The following PDE4D variants were observed in gnomAD, a reference collection of about 807,000 sequenced individuals.
PDE4D encodes phosphodiesterase 4D.
Under a neutral mutation model 87.4 loss-of-function variants are expected in PDE4D, and 24 were observed. The observed-to-expected ratio is 0.27, with a 90% CI of 0.20 to 0.39. The LOEUF (loss-of-function observed/expected upper bound fraction) is 0.39. PDE4D is among the 10% of genes least tolerant of loss of function. The pLI is 1.00. For synonymous variants in PDE4D, 384 were observed against 383.2 expected (o/e 1.00, Z -0.02); for missense variants, 714 against 1,041.0 (o/e 0.69, Z 4.32).
At chr5:59,588,928 T>C (rs2153702687) in intron 1 of PDE4D, among the ~76,000 whole-genome samples, 1 of 152,360 alleles carries the variant, frequency 6.6e-6, no homozygotes, top group Middle Eastern at 3.4e-3. Context: ...GCTTTGAATG[T>C]TTTGAATCAA....
intron 1 of PDE4D, among the ~76,000 whole-genome samples, chr5:59,469,335 AAAC>A (rs1802073292): frequency 6.6e-6 from 1 of 152,138 alleles, no homozygotes; most frequent in African/African-American, 2.4e-5. Flanking sequence ...CTCAAAAAAC[AAAC>A]AAACAAACAA....
chr5:60,037,072 G>T (rs1767891520), intron 2 of PDE4D, among the ~76,000 whole-genome samples: 1 of 152,174 alleles, frequency 6.6e-6, no homozygotes, highest in South Asian at 2.1e-4. Flanking sequence ...TGCATGCCAG[G>T]TTAATTCACA....
chr5:59,899,726 A>G (rs1156278857), intron 3 of PDE4D, among the ~76,000 whole-genome samples: 1 of 152,104 alleles, frequency 6.6e-6, no homozygotes, highest in Non-Finnish European at 1.5e-5. Flanking sequence ...GCAAGGGAGT[A>G]AGCCAGCACT....
At chr5:59,948,278 G>A (rs978578065) in intron 3 of PDE4D, among the ~76,000 whole-genome samples, 5 of 152,148 alleles carry the variant, frequency 3.3e-5, no homozygotes, top group African/African-American at 4.8e-5. Flanking sequence ...GGTTATGCCT[G>A]AATTTACATA....
chr5:60,191,565 A>T (rs1399143652), intron 1 of PDE4D, among the ~76,000 whole-genome samples: 1 of 152,220 alleles, frequency 6.6e-6, no homozygotes, highest in African/African-American at 2.4e-5. Context: ...CAGAACTGTA[A>T]GCCAATTAAA....
At chr5:59,543,852 G>A (rs1816793378) in intron 1 of PDE4D, among the ~76,000 whole-genome samples, 1 of 152,174 alleles carries the variant, frequency 6.6e-6, no homozygotes, top group South Asian at 2.1e-4. Flanking sequence ...AAATGCACTT[G>A]AAAGCATCTA....
chr5:58,993,617 T>C (rs751768827), intron 6 of PDE4D, among the ~76,000 whole-genome samples, 152 bp from the exon 7 acceptor site: 1 of 152,178 alleles, frequency 6.6e-6, no homozygotes, highest in Non-Finnish European at 1.5e-5. Flanking sequence ...CTTTCTTCAA[T>C]GAGGGGAAAA....
intron 1 of PDE4D, among the ~76,000 whole-genome samples, chr5:59,599,514 C>T (rs1827197698): frequency 6.6e-6 from 1 of 151,906 alleles, no homozygotes; most frequent in Non-Finnish European, 1.5e-5. Context: ...GTGTAAAACA[C>T]ATTTTATTTG....
chr5:60,126,848 C>T (rs1441833933), intron 2 of PDE4D, among the ~76,000 whole-genome samples: 3 of 152,136 alleles, frequency 2.0e-5, no homozygotes, highest in Non-Finnish European at 2.9e-5. Flanking sequence ...ACTACTGATG[C>T]AGTGATGAGC....
chr5:59,845,120 C>T (rs1743631176), intron 1 of PDE4D, among the ~76,000 whole-genome samples: 2 of 152,010 alleles, frequency 1.3e-5, no homozygotes, highest in South Asian at 4.1e-4. Flanking sequence ...ACCCTGAGCC[C>T]CAGACATGAA....
At chr5:60,095,002 A>C (rs1198272655) in intron 2 of PDE4D, among the ~76,000 whole-genome samples, 4 of 152,146 alleles carry the variant, frequency 2.6e-5, no homozygotes, top group Non-Finnish European at 5.9e-5. Flanking sequence ...CAAGATAACA[A>C]AAATATCTAC....
At chr5:59,368,629 T>G (rs76792066) in intron 1 of PDE4D, among the ~76,000 whole-genome samples, 10,064 of 152,262 alleles carry the variant, frequency 0.066, 921 homozygotes, top group African/African-American at 0.2. Flanking sequence ...TTTTGGATAC[T>G]TCTTGCAAAA....
chr5:59,391,208 T>G (rs918898626), intron 1 of PDE4D, among the ~76,000 whole-genome samples: 1 of 152,096 alleles, frequency 6.6e-6, no homozygotes, highest in African/African-American at 2.4e-5. Flanking sequence ...GTGGGAAAGT[T>G]AAAGATGGCC....
chr5:59,673,518 T>G (rs1747563778), intron 1 of PDE4D, among the ~76,000 whole-genome samples: 1 of 152,236 alleles, frequency 6.6e-6, no homozygotes, highest in Non-Finnish European at 1.5e-5. Flanking sequence ...TTTGATGATA[T>G]TAGTGAATCA....
At chr5:59,806,309 A>AGTATT (rs1292935147) in intron 1 of PDE4D, among the ~76,000 whole-genome samples, 1 of 152,236 alleles carries the variant, frequency 6.6e-6, no homozygotes, top group African/African-American at 2.4e-5. Context: ...GAGGTGGCAC[A>AGTATT]GTATTGACTT....
intron 1 of PDE4D, among the ~76,000 whole-genome samples, chr5:59,809,741 TG>T (rs1375043218): frequency 5.9e-5 from 9 of 152,144 alleles, no homozygotes; most frequent in Admixed American, 3.9e-4. Context: ...TTTCCCCCAT[TG>T]AAGAAGGGAC....
intron 1 of PDE4D, among the ~76,000 whole-genome samples, chr5:60,477,369 A>T (rs1724274710): frequency 6.6e-6 from 1 of 152,188 alleles, no homozygotes; most frequent in Non-Finnish European, 1.5e-5. Context: ...GTAAGTAAAT[A>T]AGCAAAATTT....
At chr5:60,079,754 C>T (rs946030701) in intron 2 of PDE4D, among the ~76,000 whole-genome samples, 11 of 152,114 alleles carry the variant, frequency 7.2e-5, no homozygotes, top group Admixed American at 3.9e-4. Flanking sequence ...TCAGTACCAG[C>T]ACCATGCTGT....
intron 5 of PDE4D, among the ~76,000 whole-genome samples, chr5:59,162,285 T>G (rs1581134953): frequency 6.6e-6 from 1 of 152,156 alleles, no homozygotes; most frequent in East Asian, 1.9e-4. Context: ...CTCTCCAAAT[T>G]GTAATATTTT....
Sources: allele counts gnomAD v4.1 joint callset (sites outside exome capture counted in the v4.1 genomes callset), GRCh38; gene constraint gnomAD v4.1.1; transcripts MANE v1.5; gene names NCBI Gene and HGNC (gene_info 2026-07-23, HGNC 2026-07-21).